The following FAM118B variants were observed in gnomAD, a reference collection of about 807,000 sequenced individuals.
FAM118B encodes the protein SIR2 antiphage like 1.
In FAM118B, 24 loss-of-function variants were observed where a neutral mutation model predicts 38.5. The ratio of observed to expected loss-of-function variants is 0.62; its 90% CI spans 0.45 to 0.88. The LOEUF is 0.88. FAM118B is among the 40% of genes least tolerant of loss of function. The pLI, the probability that FAM118B is intolerant of heterozygous loss-of-function variation, is 0.00. For synonymous variants in FAM118B, 138 were observed against 156.3 expected (o/e 0.88, Z 0.87); for missense variants, 334 against 420.0 (o/e 0.80, Z 1.79).
At chr11:126,212,135 A>G (rs895089318) in intron 1 of FAM118B, among the ~76,000 whole-genome samples, 3 of 152,098 alleles carry the variant, frequency 2.0e-5, no homozygotes, top group African/African-American at 7.2e-5. Flanking sequence ...GGATGCCCGG[A>G]TCTCTGTAGT....
intron 7 of FAM118B, among the ~76,000 whole-genome samples, chr11:126,258,965 T>C (rs907626144): frequency 6.6e-6 from 1 of 152,248 alleles, no homozygotes; most frequent in Non-Finnish European, 1.5e-5. Context: ...TTTTATTAGC[T>C]GTGTAGGCTT....
chr11:126,218,591 G>A (rs1950014300), intron 1 of FAM118B, among the ~76,000 whole-genome samples: 1 of 152,124 alleles, frequency 6.6e-6, no homozygotes, highest in Admixed American at 6.5e-5. Flanking sequence ...ATGAATAGAT[G>A]CTTAATAACT....
intron 4 of FAM118B, among the ~76,000 whole-genome samples, chr11:126,248,036 C>T (rs1950441941): frequency 6.6e-6 from 1 of 150,398 alleles, no homozygotes. Context: ...GTCCCAGCTA[C>T]TCGGGAGGAT....
chr11:126,233,996 C>T lies in FAM118B; in HGVS notation c.-7-999C>T, dbSNP rs771656814. 4.6e-5 allele frequency among the ~76,000 whole-genome samples: 7 copies of T among 151,982 alleles called. 1 individual carries two copies. In the South Asian group the frequency reaches 6.2e-4, roughly 14 times the overall value. On this transcript the variant is annotated intron_variant, in intron 2 of 8. Transcript: ENST00000533050. Reference sequence around the variant, plus strand: ...GATGGAGAGGCTGAGGTGGGTTGATCGCTTGAGCCCAGGAGGCCGAGACTG... The same window carrying T: ...GATGGAGAGGCTGAGGTGGGTTGATTGCTTGAGCCCAGGAGGCCGAGACTG...
intron 4 of FAM118B, among the ~76,000 whole-genome samples, chr11:126,243,215 T>A (rs1250757731): frequency 6.6e-6 from 1 of 152,164 alleles, no homozygotes; most frequent in Non-Finnish European, 1.5e-5. Context: ...TCCCAAACTA[T>A]GCTAAAAAAT....
chr11:126,220,663 C>T (rs1479301845), intron 1 of FAM118B, among the ~76,000 whole-genome samples: 3 of 152,114 alleles, frequency 2.0e-5, no homozygotes, highest in Non-Finnish European at 2.9e-5. Context: ...TGCAGTGAAC[C>T]ATGATCTTGC....
intron 1 of FAM118B, among the ~76,000 whole-genome samples, chr11:126,221,002 C>T (rs1337402631): frequency 6.6e-6 from 1 of 152,084 alleles, no homozygotes; most frequent in African/African-American, 2.4e-5. Flanking sequence ...GCCTGGCCAA[C>T]ATAGTGAAAC....
At chr11:126,259,220 G>A (rs1186559393) in intron 7 of FAM118B, among the ~76,000 whole-genome samples, 2 of 152,116 alleles carry the variant, frequency 1.3e-5, no homozygotes, top group Non-Finnish European at 2.9e-5. Context: ...GAGGTTACAG[G>A]TCTTTTGCTG....
At chr11:126,249,067 T>G (rs1950461417) in intron 4 of FAM118B, among the ~76,000 whole-genome samples, 1 of 152,186 alleles carries the variant, frequency 6.6e-6, no homozygotes, top group South Asian at 2.1e-4. Context: ...GTTATTTAAG[T>G]AAGCCGTATG....
chr11:126,231,945 G>C (rs1349491594), intron 2 of FAM118B, among the ~76,000 whole-genome samples: 2 of 152,168 alleles, frequency 1.3e-5, no homozygotes, highest in Non-Finnish European at 2.9e-5. Context: ...TGCATCAATG[G>C]AGTACCTAGT....
At chr11:126,212,164 C>A (rs1232593945) in intron 1 of FAM118B, among the ~76,000 whole-genome samples, 1 of 152,212 alleles carries the variant, frequency 6.6e-6, no homozygotes, top group Admixed American at 6.5e-5. Flanking sequence ...CCTTCATCTT[C>A]CAACTCCCAG....
At chr11:126,227,016 A>T (rs938552673) in intron 1 of FAM118B, among the ~76,000 whole-genome samples, 2 of 150,254 alleles carry the variant, frequency 1.3e-5, no homozygotes, top group African/African-American at 4.9e-5. Flanking sequence ...TGAATGATAA[A>T]TTGAAAGAGA....
intron 1 of FAM118B, among the ~76,000 whole-genome samples, chr11:126,225,092 G>A (rs1308804902): frequency 6.6e-6 from 1 of 152,192 alleles, no homozygotes; most frequent in Non-Finnish European, 1.5e-5. Context: ...GAAGCCAAAA[G>A]GCTCTACTTT....
intron 3 of FAM118B, among the ~76,000 whole-genome samples, chr11:126,237,266 G>C (rs1482176510): frequency 1.8e-5 from 2 of 113,434 alleles, no homozygotes; most frequent in Non-Finnish European, 3.4e-5. Flanking sequence ...TGTTGCCCAG[G>C]CTGGAGTGCA....
intron 1 of FAM118B, among the ~76,000 whole-genome samples, chr11:126,220,324 A>G (rs1311464191): frequency 1.3e-5 from 2 of 151,846 alleles, no homozygotes; most frequent in Admixed American, 6.6e-5. Flanking sequence ...TTATGAAAGT[A>G]TGTTTTTAGT....
chr11:126,218,805 T>C (rs964459858), intron 1 of FAM118B, among the ~76,000 whole-genome samples: 1 of 152,234 alleles, frequency 6.6e-6, no homozygotes, highest in Non-Finnish European at 1.5e-5. Context: ...TTTCTTTAGC[T>C]GACAGTGCAT....
rs1431122953 is a variant in FAM118B at position 126,240,971 on chromosome 11, AG to A, written c.267del (p.Lys89AsnfsTer64). On this transcript the variant is annotated frameshift_variant, in exon 4 of 9. Transcript: ENST00000533050. LOFTEE classifies it high-confidence loss of function. The part of the protein sequence containing the change: ...FDLLEDEESK[K>X]FQKCLHEDKN... Reference sequence around the variant, plus strand: ...CTTTTAGAAGATGAGGAGAGCAAAAAGTTTCAGAAATGTCTCCATGAAGACA... The same window carrying A: ...CTTTTAGAAGATGAGGAGAGCAAAAATTTCAGAAATGTCTCCATGAAGACA... 1 of 1,614,024 alleles carries A rather than the reference AG, an allele frequency of 6.2e-7. No homozygotes were observed. Among genetic ancestry groups the A allele is most frequent in the African/African-American group, 1.3e-5 (1 of 74,926 alleles).
At chr11:126,221,056 G>A (rs1037644184) in intron 1 of FAM118B, among the ~76,000 whole-genome samples, 7 of 152,106 alleles carry the variant, frequency 4.6e-5, no homozygotes, top group African/African-American at 1.7e-4. Context: ...ACATGGTGGC[G>A]TGGGCCTGTA....
At position 126,256,926 on chromosome 11, in the gene FAM118B, T is replaced by C. The variant is rs1447821655; in HGVS notation, c.982+74T>C. 11 of 1,432,970 alleles carry C rather than the reference T, an allele frequency of 7.7e-6. No individual in the cohort carries two copies. The Admixed American group carries it at 8.4e-5, about 11-fold the overall frequency. 88.8% of individuals were successfully genotyped at this position (1,432,970 alleles called of 1,614,324 possible). A position where few individuals can be genotyped will look rare whatever the true frequency, so the allele number is the denominator to read the frequency against. On this transcript the variant is annotated intron_variant, in intron 7 of 8. Transcript: ENST00000533050. The surrounding 1 kb of genome is among the most constrained non-coding windows in gnomAD (Gnocchi z 6.6). The stretch of plus-strand genomic sequence containing the variant: ...AGCCTTTTGTGTATTTGTGATGTGA[T>C]GGGCAAAATAGTTGCCAAGATGAGG...
Sources: gnomAD v4.1 joint callset for allele counts (sites outside exome capture counted in the v4.1 genomes callset) on GRCh38, gnomAD v4.1.1 for gene constraint, Gnocchi (gnomAD v3.1) non-coding constraint, MANE v1.5 for transcripts, NCBI Gene and HGNC (gene_info 2026-07-23, HGNC 2026-07-21) for gene names.